SPATA6: variants seen among roughly 807,000 people sequenced by gnomAD.
The protein encoded by SPATA6 is spermatogenesis-associated protein 6.
In SPATA6, 56 loss-of-function variants were observed where a neutral mutation model predicts 65.3. The ratio of observed to expected loss-of-function variants is 0.86; its 90% CI spans 0.69 to 1.07. The LOEUF (loss-of-function observed/expected upper bound fraction) is 1.07, where lower values mean the gene tolerates loss of function less well. SPATA6 is among the 50% of genes least tolerant of loss of function. The probability of loss-of-function intolerance (pLI) is 0.00; values close to 1 mark genes in which losing one functional copy is unlikely to be tolerated. For missense variants in SPATA6, 590 were observed against 594.8 expected (o/e 0.99, Z 0.08); for synonymous variants, 199 against 213.2 (o/e 0.93, Z 0.58).
chr1:48,314,112 G>T (rs1326751064), intron 11 of SPATA6, among the ~76,000 whole-genome samples: 1 of 152,108 alleles, frequency 6.6e-6, no homozygotes, highest in African/African-American at 2.4e-5. Flanking sequence ...ACACCCCACT[G>T]TCAACATTAG....
At chr1:48,385,951 C>T (rs960468691) in intron 8 of SPATA6, among the ~76,000 whole-genome samples, 8 of 152,146 alleles carry the variant, frequency 5.3e-5, no homozygotes, top group Non-Finnish European at 8.8e-5. Flanking sequence ...AGATCTTACA[C>T]GTAAGGCACT....
chr1:48,424,689 G>T (rs578124585), intron 3 of SPATA6, among the ~76,000 whole-genome samples: 2 of 152,080 alleles, frequency 1.3e-5, no homozygotes, highest in African/African-American at 4.8e-5. Flanking sequence ...TTTTAACTAC[G>T]GTGAGACAAT....
chr1:48,328,469 C>T (rs190703945), intron 11 of SPATA6, among the ~76,000 whole-genome samples: 1 of 152,006 alleles, frequency 6.6e-6, no homozygotes, highest in Non-Finnish European at 1.5e-5. Context: ...CCTGGGCAAG[C>T]CTTTAATATA....
chr1:48,436,158 A>G, intron 3 of SPATA6: 1 of 1,610,428 alleles, frequency 6.2e-7, no homozygotes, highest in Non-Finnish European at 8.5e-7. Context: ...AAGTAGAAAC[A>G]GGAAGAGGAT....
At position 48,453,034 on chromosome 1, in the gene SPATA6, G is replaced by C. The variant is rs370493345; in HGVS notation, c.149C>G (p.Thr50Ser). ...QYKKTQCVPA[T>S]FPLVFNARMV... ...TCTGGCATTGAAGACCAGGGGAAAA[G>C]TGGCTGGGACACATTGTGTCTTTTT... Residue 50 changes from threonine (T) to serine (S), a missense_variant, in exon 2 of 13, where the codon ACT becomes AGT. Coordinates refer to ENST00000371847, the MANE Select transcript of SPATA6 (RefSeq NM_019073.4). 4 of 1,613,804 alleles carry C rather than the reference G, an allele frequency of 2.5e-6. No individual in the cohort carries two copies. The highest frequency in any genetic ancestry group is 1.3e-5 in the African/African-American group (1 of 74,910).
chr1:48,285,573 G>C, the SPATA6 span, among the ~76,000 whole-genome samples: 1 of 152,042 alleles, frequency 6.6e-6, no homozygotes, highest in South Asian at 2.1e-4. Context: ...TGGTGGCATG[G>C]CACCCAAAGG....
At chr1:48,390,610 T>C (rs1649953701) in intron 8 of SPATA6, among the ~76,000 whole-genome samples, 1 of 152,216 alleles carries the variant, frequency 6.6e-6, no homozygotes, top group African/African-American at 2.4e-5. Flanking sequence ...AAATGGTAGA[T>C]AATTTAACCA....
At chr1:48,384,882 CAG>C (rs1185521693) in intron 9 of SPATA6, among the ~76,000 whole-genome samples, 2 of 151,984 alleles carry the variant, frequency 1.3e-5, no homozygotes, top group South Asian at 2.1e-4. Flanking sequence ...AGTAAACAAA[CAG>C]AAAGAAAGTG....
At position 48,297,484 on chromosome 1, in the gene SPATA6, G is replaced by A. The variant is rs1440258899; in HGVS notation, c.*1229C>T. 6.6e-6 allele frequency: 1 copy of A among 152,038 alleles called. No individual in the cohort carries two copies. Among genetic ancestry groups the A allele is most frequent in the African/African-American group, 2.4e-5 (1 of 41,402 alleles). The allele number at this position is 152,038 out of a possible 1,614,324, so 9.4% of individuals were successfully genotyped here. A position where few individuals can be genotyped will look rare whatever the true frequency, so the allele number is the denominator to read the frequency against. On this transcript the variant is annotated 3_prime_UTR_variant, in exon 13 of 13. Transcript: ENST00000371847. ...TTAACAAGTTCTACTACAAAAATAA[G>A]TCAGCAAGTTTCACATTTTAATTTC... is the stretch of plus-strand genomic sequence containing the variant.
At chr1:48,305,763 G>A in intron 12 of SPATA6, 24 bp downstream of exon 12, 5 of 1,532,694 alleles carry the variant, frequency 3.3e-6, no homozygotes, top group South Asian at 1.2e-5. Context: ...CTATGAGAAG[G>A]ATATACATAT....
intron 3 of SPATA6, among the ~76,000 whole-genome samples, chr1:48,426,366 G>A (rs946527106): frequency 3.7e-4 from 57 of 152,170 alleles, no homozygotes; most frequent in African/African-American, 1.1e-3. Context: ...CGGTAGATTA[G>A]TCCTGGTAGC....
intron 5 of SPATA6, among the ~76,000 whole-genome samples, chr1:48,405,266 G>T (rs914907823): frequency 5.3e-5 from 8 of 152,142 alleles, no homozygotes; most frequent in Admixed American, 3.3e-4. Context: ...TCTTCATAGT[G>T]ATATCTGTGA....
chr1:48,381,471 T>C (rs1330822761), intron 9 of SPATA6, among the ~76,000 whole-genome samples: 1 of 144,784 alleles, frequency 6.9e-6, no homozygotes, highest in Non-Finnish European at 1.5e-5. Flanking sequence ...AACAGTGCCT[T>C]GATTGATTAT....
At chr1:48,316,898 C>T (rs1267426797) in intron 11 of SPATA6, among the ~76,000 whole-genome samples, 1 of 152,170 alleles carries the variant, frequency 6.6e-6, no homozygotes, top group African/African-American at 2.4e-5. Context: ...CAAAAGAAGA[C>T]ATTTATGCAG....
chr1:48,351,228 G>A (rs576508173), intron 11 of SPATA6, among the ~76,000 whole-genome samples: 110 of 151,950 alleles, frequency 7.2e-4, no homozygotes, highest in African/African-American at 2.5e-3. Flanking sequence ...CTATTTCTAT[G>A]AGCTTTTCTC....
At chr1:48,436,811 A>C in intron 3 of SPATA6, 1 of 1,613,924 alleles carries the variant, frequency 6.2e-7, no homozygotes, top group East Asian at 2.2e-5. Flanking sequence ...CAGAAACTGA[A>C]AGGTCCTCCT....
chr1:48,364,750 C>T (rs1380129321), intron 9 of SPATA6, among the ~76,000 whole-genome samples: 1 of 152,054 alleles, frequency 6.6e-6, no homozygotes, highest in Non-Finnish European at 1.5e-5. Flanking sequence ...TTGTAGGTTG[C>T]CTGTTCACTC....
chr1:48,459,143 C>T (rs1229159684), intron 1 of SPATA6, among the ~76,000 whole-genome samples: 4 of 142,976 alleles, frequency 2.8e-5, no homozygotes, highest in African/African-American at 5.3e-5. Context: ...AGGTGGTGGT[C>T]GCAGTGAGAC....
chr1:48,349,794 T>C (rs1368825062), intron 11 of SPATA6, among the ~76,000 whole-genome samples: 1 of 151,924 alleles, frequency 6.6e-6, no homozygotes, highest in Non-Finnish European at 1.5e-5. Context: ...TGTGAATTAA[T>C]AGATCATTCT....
Sources: allele counts gnomAD v4.1 joint callset (sites outside exome capture counted in the v4.1 genomes callset), GRCh38; gene constraint gnomAD v4.1.1; transcripts MANE v1.5; gene names NCBI Gene and HGNC (gene_info 2026-07-23, HGNC 2026-07-21).